The following TENM1 variants were observed in gnomAD, a reference collection of about 807,000 sequenced individuals.
TENM1 encodes teneurin transmembrane protein 1, also known as teneurin-1.
Under a neutral mutation model 174.8 loss-of-function variants are expected in TENM1, and 35 were observed. That is an observed-to-expected ratio of 0.20 (90% confidence interval 0.15 to 0.27). The LOEUF (loss-of-function observed/expected upper bound fraction) is 0.27, where lower values mean the gene tolerates loss of function less well. Ranked by LOEUF, TENM1 falls within the 10% of genes least tolerant of loss-of-function variation. TENM1 has a pLI of 1.00. For missense variants in TENM1, 1,633 were observed against 2,130.1 expected, an observed-to-expected ratio of 0.77 and a Z score of 4.59; for synonymous variants, 781 against 798.7, an observed-to-expected ratio of 0.98 and a Z score of 0.37.
At chrX:124,941,939 A>G (rs1160883769) in intron 1 of TENM1, among the ~76,000 whole-genome samples, 1 of 111,509 alleles carries the variant, frequency 9.0e-6, no homozygotes, top group African/African-American at 3.3e-5. Flanking sequence ...GAGCCAAGTG[A>G]AAGGGTTTTC....
chrX:124,986,873 C>T, the TENM1 span, among the ~76,000 whole-genome samples: 3,181 of 111,516 alleles, frequency 0.029, 109 homozygotes, highest in African/African-American at 0.099. Flanking sequence ...AAATCCTGAC[C>T]TAAGGTGATC....
At chrX:124,947,208 A>G (rs1033214041) in intron 1 of TENM1, among the ~76,000 whole-genome samples, 4 of 111,924 alleles carry the variant, frequency 3.6e-5, no homozygotes, top group Admixed American at 2.9e-4. Context: ...TGCTAATCAT[A>G]GTGGATCCCT....
chrX:125,046,613 T>C, the TENM1 span, among the ~76,000 whole-genome samples: 1 of 112,060 alleles, frequency 8.9e-6, no homozygotes, highest in African/African-American at 3.2e-5. Flanking sequence ...GCTATAGAAA[T>C]GTGTGCCACA....
the TENM1 span, among the ~76,000 whole-genome samples, chrX:125,147,135 ATGTGTGTATATATAT>A: frequency 1.0e-5 from 1 of 96,966 alleles, no homozygotes; most frequent in Non-Finnish European, 2.2e-5. Context: ...ATACACACAT[ATGTGTGTATATATAT>A]CACATATATG....
chrX:124,412,028 T>C (rs2060542843), intron 25 of TENM1: 1 of 112,557 alleles, frequency 8.9e-6, no homozygotes, highest in Admixed American at 9.4e-5. Flanking sequence ...CTGCAAATTA[T>C]AGCTGCTGAA....
chrX:124,504,398 G>A (rs1369398792), intron 18 of TENM1, among the ~76,000 whole-genome samples: 3 of 111,904 alleles, frequency 2.7e-5, no homozygotes, highest in Non-Finnish European at 5.6e-5. Context: ...GTGGAACCTC[G>A]GTATGCCACT....
Position 124,898,592 on chromosome X carries a change from G to A in TENM1, c.218-2351C>T, listed in dbSNP as rs550741202. 3.3e-4 allele frequency among the ~76,000 whole-genome samples: 36 copies of A among 109,764 alleles called. 1 individual carries two copies. The Middle Eastern group carries it at 0.018, about 56-fold the overall frequency. On this transcript the variant is annotated intron_variant, in intron 1 of 31. Coordinates refer to ENST00000422452, the Ensembl canonical transcript of TENM1. ...TTTTAATATGAGCATCTGAGTCATG[G>A]CATTCGTTGGAAAAGGTTGAGCAAA...
intron 3 of TENM1, among the ~76,000 whole-genome samples, chrX:124,786,210 CA>C (rs2055032534): frequency 1.8e-5 from 2 of 111,120 alleles, no homozygotes; most frequent in Admixed American, 9.6e-5. Flanking sequence ...AATTGGGAAG[CA>C]GTTGATATTT....
intron 16 of TENM1, among the ~76,000 whole-genome samples, chrX:124,524,473 A>G (rs1249404002): frequency 8.9e-6 from 1 of 111,956 alleles, no homozygotes; most frequent in African/African-American, 3.2e-5. Flanking sequence ...GCAGAGGACA[A>G]TTGTTAGGGA....
chrX:124,966,826 C>A (rs148481272), upstream of TENM1, among the ~76,000 whole-genome samples: 1,114 of 111,827 alleles, frequency 1.0e-2, 14 homozygotes, highest in African/African-American at 0.034. Context: ...GCATTTTTAT[C>A]TCTTCTATTC....
At chrX:124,593,848 T>C (rs951523644) in intron 11 of TENM1, among the ~76,000 whole-genome samples, 9 of 111,718 alleles carry the variant, frequency 8.1e-5, no homozygotes, top group Non-Finnish European at 3.8e-5. Flanking sequence ...AGAGCACAAT[T>C]CCAGTGCCTT....
intron 11 of TENM1, among the ~76,000 whole-genome samples, chrX:124,580,421 T>C (rs2049274573): frequency 9.7e-6 from 1 of 103,251 alleles, no homozygotes; most frequent in Non-Finnish European, 2.0e-5. Context: ...TATATACACA[T>C]ATACATATAT....
At chrX:124,663,616 AAGGACTAGTCC>A (rs1408849319) in intron 6 of TENM1, among the ~76,000 whole-genome samples, 7 of 112,100 alleles carry the variant, frequency 6.2e-5, no homozygotes, top group Middle Eastern at 4.2e-3. Context: ...TTAGCTTTGA[AAGGACTAGTCC>A]AGGAGGATAA....
chrX:124,508,166 T>A (rs1434018857), intron 18 of TENM1, among the ~76,000 whole-genome samples: 1 of 112,376 alleles, frequency 8.9e-6, no homozygotes, highest in African/African-American at 3.2e-5. Context: ...GTAAAACAAG[T>A]ACCTGCTCTC....
intron 13 of TENM1, among the ~76,000 whole-genome samples, chrX:124,563,292 T>G (rs928820192): frequency 9.1e-6 from 1 of 110,261 alleles, no homozygotes; most frequent in Non-Finnish European, 1.9e-5. Flanking sequence ...CTGTAAGGAC[T>G]TAGGAGTCCT....
chrX:124,764,487 T>C (rs2054494612), intron 3 of TENM1, among the ~76,000 whole-genome samples: 1 of 110,977 alleles, frequency 9.0e-6, no homozygotes, highest in African/African-American at 3.3e-5. Context: ...TTTGGGCTTG[T>C]CTGTCTTGTC....
the TENM1 span, among the ~76,000 whole-genome samples, chrX:124,985,955 T>G: frequency 8.1e-5 from 9 of 111,237 alleles, no homozygotes; most frequent in African/African-American, 2.9e-4. Flanking sequence ...GGAGACAAAA[T>G]CTGGTCATTA....
the TENM1 span, among the ~76,000 whole-genome samples, chrX:125,099,220 G>T: frequency 8.9e-6 from 1 of 111,746 alleles, no homozygotes; most frequent in Non-Finnish European, 1.9e-5. Flanking sequence ...TGTCTGTTTG[G>T]GTTTTTTTGT....
chrX:125,145,488 G>C, the TENM1 span, among the ~76,000 whole-genome samples: 1 of 112,151 alleles, frequency 8.9e-6, no homozygotes, highest in African/African-American at 3.2e-5. Flanking sequence ...ATCTACAATT[G>C]CTATAAATTC....
Sources: allele counts gnomAD v4.1 joint callset (sites outside exome capture counted in the v4.1 genomes callset), GRCh38; gene constraint gnomAD v4.1.1; transcripts MANE v1.5; gene names NCBI Gene and HGNC (gene_info 2026-07-23, HGNC 2026-07-21).